SUFU: variants seen among roughly 807,000 people sequenced by gnomAD.
The protein encoded by SUFU is suppressor of fused homolog.
Under a neutral mutation model 58.9 loss-of-function variants are expected in SUFU, and 7 were observed. The observed-to-expected ratio is 0.12, with a 90% CI of 0.07 to 0.22. The LOEUF (loss-of-function observed/expected upper bound fraction) is 0.22. SUFU is among the 10% of genes least tolerant of loss of function. The pLI, the probability that SUFU is intolerant of heterozygous loss-of-function variation, is 1.00. For synonymous variants in SUFU, 232 were observed against 254.8 expected (o/e 0.91, Z 0.85); for missense variants, 451 against 641.3 (o/e 0.70, Z 3.20).
intron 3 of SUFU, among the ~76,000 whole-genome samples, chr10:102,561,148 G>A (rs2063033826): frequency 1.3e-5 from 2 of 152,180 alleles, no homozygotes; most frequent in East Asian, 1.9e-4. Flanking sequence ...CAGCCTTACC[G>A]GAGTATTTCT....
chr10:102,583,679 G>A (rs1014909287), intron 3 of SUFU, among the ~76,000 whole-genome samples: 1 of 151,850 alleles, frequency 6.6e-6, no homozygotes, highest in Non-Finnish European at 1.5e-5. Flanking sequence ...ATCCCCACCC[G>A]GTTTGGGGTA....
chr10:102,617,912 AC>A lies in SUFU; in HGVS notation c.1296+489del. On this transcript the variant is annotated intron_variant, in intron 10 of 11. Coordinates refer to ENST00000369902, the MANE Select transcript of SUFU (RefSeq NM_016169.4). The surrounding 1 kb of genome is among the most constrained non-coding windows in gnomAD (Gnocchi z 4.4). ...GGGAAGAGCCTCCCCTTCTTAGCCT[AC>A]CCCCATCTGACAGCCCTCCCGTTCC... 1 of 246,994 alleles carries A rather than the reference AC, an allele frequency of 4.0e-6. No homozygotes were observed. The highest frequency in any genetic ancestry group is 7.8e-6 in the Non-Finnish European group (1 of 128,612). 15.3% of individuals were successfully genotyped at this position (246,994 alleles called of 1,614,324 possible). A position where few individuals can be genotyped will look rare whatever the true frequency, so the allele number is the denominator to read the frequency against.
At chr10:102,626,105 G>A (rs879666701) in intron 10 of SUFU, among the ~76,000 whole-genome samples, 1 of 152,200 alleles carries the variant, frequency 6.6e-6, no homozygotes, top group Non-Finnish European at 1.5e-5. Context: ...GGGTACAGAA[G>A]GGTCTGCAGT....
chr10:102,515,326 T>C (rs1434607830), intron 2 of SUFU, among the ~76,000 whole-genome samples: 1 of 151,186 alleles, frequency 6.6e-6, no homozygotes, highest in Non-Finnish European at 1.5e-5. Context: ...TTTTTTTTTT[T>C]TTTTTTTTGA....
chr10:102,568,239 T>C lies in SUFU; in HGVS notation c.454+18133T>C, dbSNP rs558765366. 2.3e-3 allele frequency among the ~76,000 whole-genome samples: 357 copies of C among 152,092 alleles called. 1 individual carries two copies. The highest frequency in any genetic ancestry group is 4.2e-3 in the Non-Finnish European group (288 of 67,972). On this transcript the variant is annotated intron_variant, in intron 3 of 11. Coordinates refer to ENST00000369902, the MANE Select transcript of SUFU (RefSeq NM_016169.4). Reference sequence around the variant, plus strand: ...AAAAAAAAAAGTATGACTTTGATTATACATGCTGAAAAGAAAGTCTTAAAG... The same window carrying C: ...AAAAAAAAAAGTATGACTTTGATTACACATGCTGAAAAGAAAGTCTTAAAG...
chr10:102,572,790 A>G (rs1408174902), intron 3 of SUFU: 10 of 802,460 alleles, frequency 1.2e-5, no homozygotes, highest in Non-Finnish European at 2.2e-5. Context: ...CAACATCCAA[A>G]GCATCGTAAT....
chr10:102,591,655 T>C (rs1161067415), intron 3 of SUFU: 1 of 151,780 alleles, frequency 6.6e-6, no homozygotes, highest in African/African-American at 2.4e-5. Context: ...GTCTAAGATA[T>C]ATAATTAAGT....
chr10:102,621,282 C>T (rs1590087804), intron 10 of SUFU, among the ~76,000 whole-genome samples: 1 of 152,204 alleles, frequency 6.6e-6, no homozygotes, highest in African/African-American at 2.4e-5. Flanking sequence ...GCCCCGAGAC[C>T]TTGTTGTCCA....
intron 8 of SUFU, among the ~76,000 whole-genome samples, chr10:102,612,929 G>A (rs1407581611): frequency 6.6e-6 from 1 of 152,210 alleles, no homozygotes; most frequent in Non-Finnish European, 1.5e-5. Context: ...GGTTGGCGCA[G>A]AGTAAGGGCT....
intron 2 of SUFU, among the ~76,000 whole-genome samples, chr10:102,533,554 A>G (rs2062701523): frequency 6.6e-6 from 1 of 152,192 alleles, no homozygotes; most frequent in Non-Finnish European, 1.5e-5. Flanking sequence ...AGCCTGGGCA[A>G]CAGAGCAAGA....
At chr10:102,525,925 G>A (rs547396952) in intron 2 of SUFU, among the ~76,000 whole-genome samples, 1 of 152,284 alleles carries the variant, frequency 6.6e-6, no homozygotes, top group East Asian at 1.9e-4. Flanking sequence ...TCTTATTGGA[G>A]AAACATGAAA....
At chr10:102,557,781 C>A (rs1464748021) in intron 3 of SUFU, among the ~76,000 whole-genome samples, 1 of 152,108 alleles carries the variant, frequency 6.6e-6, no homozygotes, top group Admixed American at 6.6e-5. Context: ...TGCAGACTCT[C>A]CCCATGTGCC....
intron 1 of SUFU, among the ~76,000 whole-genome samples, chr10:102,505,944 G>A (rs796558389): frequency 4.1e-5 from 6 of 147,666 alleles, no homozygotes; most frequent in African/African-American, 1.5e-4. Context: ...GCTCATGCAT[G>A]TATTCCCACC....
In SUFU at chr10:102,603,625, T is replaced by TA. The variant is rs1290910178; in HGVS notation, c.1022+4087dup. Among the ~76,000 whole-genome samples the TA allele has an allele frequency of 1.8e-3, 267 of 152,232 alleles. 4 individuals carry two copies. The Middle Eastern group carries it at 0.044, about 25-fold the overall frequency. ...TCACACCAGCAGCTTTTAAGACCTT[T>TA]AAAAAATTTTTTTTGCCTTAATTTC... On this transcript the variant is annotated intron_variant, in intron 8 of 11. Transcript: ENST00000369902.
At chr10:102,545,004 A>G (rs2062839157) in intron 2 of SUFU, among the ~76,000 whole-genome samples, 1 of 152,074 alleles carries the variant, frequency 6.6e-6, no homozygotes. Context: ...TATTTTGTTT[A>G]TCCATTCCTC....
chr10:102,504,217 C>T lies in SUFU; in HGVS notation c.65C>T (p.Ala22Val), dbSNP rs761240106. 2.5e-6 allele frequency: 4 copies of T among 1,605,602 alleles called. No homozygotes were observed. The highest frequency in any genetic ancestry group is 2.2e-5 in the East Asian group (1 of 44,502). ...GCGCCCCCGGCCCCTGGCCCGACTG[C>T]CCCCCCGGCCTTCGCTTCGCTCTTT... ...PTAPPAPGPT[A>V]PPAFASLFPP... is the part of the protein sequence containing the mutation. Residue 22 changes from alanine (A) to valine (V), a missense_variant, in exon 1 of 12, where the codon GCC becomes GTC. By Grantham distance (64) the Ala-to-Val change is moderately conservative. Transcript: ENST00000369902.
At chr10:102,588,338 A>G (rs1379181982) in intron 3 of SUFU, among the ~76,000 whole-genome samples, 1 of 150,992 alleles carries the variant, frequency 6.6e-6, no homozygotes, top group Non-Finnish European at 1.5e-5. Flanking sequence ...GTTGGCAGTG[A>G]GCCGAGATCG....
intron 9 of SUFU, among the ~76,000 whole-genome samples, chr10:102,615,913 C>T (rs2063682134): frequency 6.6e-6 from 1 of 152,132 alleles, no homozygotes; most frequent in Admixed American, 6.5e-5. Flanking sequence ...TCAGAATCCA[C>T]AGGGAGAAGT....
At chr10:102,603,725 C>T (rs2063536474) in intron 8 of SUFU, among the ~76,000 whole-genome samples, 1 of 152,220 alleles carries the variant, frequency 6.6e-6, no homozygotes, top group Admixed American at 6.5e-5. Flanking sequence ...CCAACATACA[C>T]ACACACACAT....
Sources: gnomAD v4.1 joint callset for allele counts (sites outside exome capture counted in the v4.1 genomes callset) on GRCh38, gnomAD v4.1.1 for gene constraint, Gnocchi (gnomAD v3.1) non-coding constraint, MANE v1.5 for transcripts, NCBI Gene and HGNC (gene_info 2026-07-23, HGNC 2026-07-21) for gene names.